AK1: variants seen among roughly 807,000 people sequenced by gnomAD.
AK1 encodes the protein adenylate kinase isoenzyme 1.
A neutral mutation model predicts 23.9 loss-of-function variants in AK1; 13 were observed. The ratio of observed to expected loss-of-function variants is 0.54; its 90% CI spans 0.35 to 0.86. AK1 has a LOEUF of 0.86. Ranked by LOEUF, AK1 falls within the 40% of genes least tolerant of loss-of-function variation. The probability of loss-of-function intolerance (pLI) is 0.01; values close to 1 mark genes in which losing one functional copy is unlikely to be tolerated. For synonymous variants in AK1, 97 were observed against 102.8 expected, an observed-to-expected ratio of 0.94 and a Z score of 0.34; for missense variants, 214 against 255.1, an observed-to-expected ratio of 0.84 and a Z score of 1.10.
In AK1 at chr9:127,871,227, C is replaced by T. The variant is rs1219903397; in HGVS notation, c.324+596G>A. Among the ~76,000 whole-genome samples the T allele has an allele frequency of 6.6e-6, 1 of 151,650 alleles. No homozygotes were observed. The highest frequency in any genetic ancestry group is 6.5e-5 in the Admixed American group (1 of 15,272). On this transcript the variant is annotated intron_variant, in intron 5 of 6. Coordinates refer to ENST00000644144, the MANE Select transcript of AK1 (RefSeq NM_000476.3). The surrounding 1 kb of genome is among the most constrained non-coding windows in gnomAD (Gnocchi z 4.4). ...TCTGCAGGATGCTCGTGCTAGGAAG[C>T]TCAGGGCCATCATTTTCCAGGCCTG...
upstream of AK1, among the ~76,000 whole-genome samples, chr9:127,879,066 AACACACACACACACACACAC>A (rs35534101): frequency 6.2e-5 from 9 of 145,910 alleles, no homozygotes; most frequent in Non-Finnish European, 1.4e-4. Context: ...CTAAAAATAA[AACACACACACACACACACAC>A]ACACACACAC....
chr9:127,879,150 T>C (rs1829596584), upstream of AK1, among the ~76,000 whole-genome samples: 1 of 151,980 alleles, frequency 6.6e-6, no homozygotes, highest in Non-Finnish European at 1.5e-5. Flanking sequence ...CAAGGAAACA[T>C]GTGGGCACAA....
At position 127,868,198 on chromosome 9, in the gene AK1, T is replaced by C; in HGVS notation, c.517-122A>G. On this transcript the variant is annotated intron_variant, in intron 6 of 6. Coordinates refer to ENST00000644144, the MANE Select transcript of AK1 (RefSeq NM_000476.3). The surrounding 1 kb of genome is among the most constrained non-coding windows in gnomAD (Gnocchi z 4.1). ...CAACCTAATTGACAGCAGCCCCTCA[T>C]TGAACCAGTGGGGAAACCAAGGCCC... 1.4e-6 allele frequency: 2 copies of C among 1,443,706 alleles called. No individual in the cohort carries two copies. The highest frequency in any genetic ancestry group is 1.9e-6 in the Non-Finnish European group (2 of 1,044,442). The allele number at this position is 1,443,706 out of a possible 1,614,324, so 89.4% of individuals were successfully genotyped here. A position where few individuals can be genotyped will look rare whatever the true frequency, so the allele number is the denominator to read the frequency against.
chr9:127,878,784 G>A (rs149713459), upstream of AK1, among the ~76,000 whole-genome samples: 6 of 152,288 alleles, frequency 3.9e-5, no homozygotes, highest in East Asian at 1.2e-3. Flanking sequence ...TTACTTCTTG[G>A]GACCTTAGTT....
intron 2 of AK1, 40 bp downstream of exon 2, chr9:127,874,571 T>A (rs1284562547): frequency 3.1e-6 from 5 of 1,612,730 alleles, no homozygotes; most frequent in Non-Finnish European, 3.4e-6. Flanking sequence ...TCAGGCACAC[T>A]GAGGCCCAGG....
At chr9:127,872,440 G>A (rs530120319) in intron 4 of AK1, among the ~76,000 whole-genome samples, 3 of 152,190 alleles carry the variant, frequency 2.0e-5, no homozygotes, top group Non-Finnish European at 4.4e-5. Context: ...GCTAGTCTGA[G>A]GGGACAGAGG....
chr9:127,874,581 G>C, intron 2 of AK1, 30 bp downstream of exon 2: 1 of 1,613,144 alleles, frequency 6.2e-7, no homozygotes, highest in Non-Finnish European at 8.5e-7. Context: ...TGAGGCCCAG[G>C]CAATGGGCAA....
upstream of AK1, among the ~76,000 whole-genome samples, chr9:127,878,862 C>A (rs1403854278): frequency 1.3e-5 from 2 of 152,162 alleles, no homozygotes; most frequent in African/African-American, 4.8e-5. Flanking sequence ...TTGAAAGGCC[C>A]TCTCAAGGGT....
Position 127,868,782 on chromosome 9 carries a change from C to T in AK1, c.325-270G>A, listed in dbSNP as rs923693795. On this transcript the variant is annotated intron_variant, in intron 5 of 6. Transcript: ENST00000644144. The surrounding 1 kb of genome is among the most constrained non-coding windows in gnomAD (Gnocchi z 4.1). Reference sequence around the variant, plus strand: ...TCTCTCTGCTCTAGGCTCTCATCAACCTCCTTCCATGCCAGACCTGTGCTC... The same window carrying T: ...TCTCTCTGCTCTAGGCTCTCATCAATCTCCTTCCATGCCAGACCTGTGCTC... Among the ~76,000 whole-genome samples the T allele has an allele frequency of 1.3e-5, 2 of 152,200 alleles. No individual in the cohort carries two copies. Among genetic ancestry groups the T allele is most frequent in the Non-Finnish European group, 2.9e-5 (2 of 68,036 alleles).
chr9:127,873,583 T>A (rs889772611), intron 2 of AK1: 27 of 1,423,028 alleles, frequency 1.9e-5, no homozygotes, highest in Non-Finnish European at 2.5e-5. Flanking sequence ...GTTGCCGGGG[T>A]GGAGGGCTGT....
chr9:127,870,802 AGACGG>A (rs1829378079), intron 5 of AK1, among the ~76,000 whole-genome samples: 4 of 143,210 alleles, frequency 2.8e-5, no homozygotes, highest in African/African-American at 1.1e-4. Flanking sequence ...GGCCCTACGG[AGACGG>A]GGCATGGGAA....
At chr9:127,878,864 C>G (rs1300718112), upstream of AK1, among the ~76,000 whole-genome samples, 2 of 152,178 alleles carry the variant, frequency 1.3e-5, no homozygotes, top group African/African-American at 2.4e-5. Flanking sequence ...GAAAGGCCCT[C>G]TCAAGGGTGT....
At position 127,872,813 on chromosome 9, in the gene AK1, G is replaced by C; in HGVS notation, c.84C>G (p.Ile28Met). ...GSGKGTQCEKIVQKYGYTHLS... is the reference protein window; with the variant it reads ...GSGKGTQCEKMVQKYGYTHLS... ...GGTGGGTGTAGCCATACTTCTGCAC[G>C]ATCTTCTCACACTGGGTGCCCTTCC... The change falls in exon 4 of 7, where the codon ATC becomes ATG. Residue 28 changes from isoleucine (I) to methionine (M), a missense_variant. Coordinates refer to ENST00000644144, the MANE Select transcript of AK1 (RefSeq NM_000476.3). The C allele has an allele frequency of 1.9e-6, 3 of 1,614,074 alleles. No individual in the cohort carries two copies. The highest frequency in any genetic ancestry group is 8.5e-7 in the Non-Finnish European group (1 of 1,180,014).
At chr9:127,872,583 G>A (rs903354246) in intron 4 of AK1, 107 bp downstream of exon 4, 1 of 1,457,858 alleles carries the variant, frequency 6.9e-7, no homozygotes, top group Non-Finnish European at 9.4e-7. Flanking sequence ...GGAGCCGGGG[G>A]CGGTTACGGT....
At chr9:127,875,394 C>T (rs1486847350) in intron 1 of AK1, among the ~76,000 whole-genome samples, 1 of 151,650 alleles carries the variant, frequency 6.6e-6, no homozygotes, top group East Asian at 1.9e-4. Context: ...AGGACCTCCC[C>T]TACCTCGCCC....
Position 127,868,541 on chromosome 9 carries a change from C to A in AK1, c.325-29G>T. On this transcript the variant is annotated intron_variant, in intron 5 of 6. Transcript: ENST00000644144. The surrounding 1 kb of genome is among the most constrained non-coding windows in gnomAD (Gnocchi z 4.1). ...CAGGCGGGCACCATGTCACAGGGAC[C>A]CCATTCCTGCCCCCTAGGGCCATCT... The A allele has an allele frequency of 6.4e-7, 1 of 1,556,080 alleles. No homozygotes were observed. The highest frequency in any genetic ancestry group is 1.2e-5 in the South Asian group (1 of 84,798).
At chr9:127,870,575 A>G (rs1447709628) in intron 5 of AK1, among the ~76,000 whole-genome samples, 1 of 152,166 alleles carries the variant, frequency 6.6e-6, no homozygotes, top group Non-Finnish European at 1.5e-5. Flanking sequence ...TGTGTGAGCC[A>G]GGCCAGGACA....
intron 4 of AK1, 65 bp from the exon 5 acceptor site, chr9:127,872,004 G>C (rs879454091): frequency 7.3e-7 from 1 of 1,361,850 alleles, no homozygotes; most frequent in South Asian, 1.2e-5. Flanking sequence ...CCCAGCCTCT[G>C]CTCACGCTGC....
In AK1 at chr9:127,872,731, T is replaced by A. The variant is rs1829443612; in HGVS notation, c.166A>T (p.Lys56Ter). The A allele has an allele frequency of 6.2e-7, 1 of 1,613,978 alleles. No individual in the cohort carries two copies. Among genetic ancestry groups the A allele is most frequent in the Admixed American group, 1.7e-5 (1 of 59,998 alleles). The change falls in exon 4 of 7, where the codon AAG becomes TAG. Residue 56 changes from lysine (K) to a stop codon, truncating the protein, a stop_gained. Coordinates refer to ENST00000644144, the MANE Select transcript of AK1 (RefSeq NM_000476.3). LOFTEE classifies it high-confidence loss of function. ...CCCTTCTCCATGATTTCCGACAGCTTCTTGCCCCTGGCCGAGCCTGAGCTG... is the reference window on the plus strand; with the variant it reads ...CCCTTCTCCATGATTTCCGACAGCTACTTGCCCCTGGCCGAGCCTGAGCTG... ...EVSSGSARGK[K>*]LSEIMEKGQL...
Sources: gnomAD v4.1 joint callset for allele counts (sites outside exome capture counted in the v4.1 genomes callset) on GRCh38, gnomAD v4.1.1 for gene constraint, Gnocchi (gnomAD v3.1) non-coding constraint, MANE v1.5 for transcripts, NCBI Gene and HGNC (gene_info 2026-07-23, HGNC 2026-07-21) for gene names.